Variants in KCNIP1 observed in about 807,000 individuals in gnomAD.
KCNIP1 encodes potassium voltage-gated channel interacting protein 1.
Under a neutral mutation model 33.0 loss-of-function variants are expected in KCNIP1, and 18 were observed. That is an observed-to-expected ratio of 0.55 (90% CI 0.38 to 0.81). The LOEUF (loss-of-function observed/expected upper bound fraction) is 0.81. Among genes scored for constraint, KCNIP1 ranks in the 30% least tolerant of loss-of-function variants. The pLI is 0.00. For missense variants in KCNIP1, 238 were observed against 271.6 expected (o/e 0.88, Z 0.87); for synonymous variants, 93 against 98.3 (o/e 0.95, Z 0.32).
chr5:170,610,976 C>T (rs549280842), intron 1 of KCNIP1, among the ~76,000 whole-genome samples: 4 of 152,304 alleles, frequency 2.6e-5, no homozygotes, highest in Admixed American at 6.5e-5. Context: ...GTTATTATTA[C>T]CCATTTTCTG....
At chr5:170,586,699 C>T (rs573804921) in intron 1 of KCNIP1, among the ~76,000 whole-genome samples, 2 of 152,284 alleles carry the variant, frequency 1.3e-5, no homozygotes, top group South Asian at 4.1e-4. Context: ...AGTGGGTGTT[C>T]GATTCACAGT....
chr5:170,482,522 A>C (rs903632809), intron 1 of KCNIP1, among the ~76,000 whole-genome samples: 1 of 152,192 alleles, frequency 6.6e-6, no homozygotes. Flanking sequence ...ACCACGGATC[A>C]AGTAACTGAA....
intron 1 of KCNIP1, among the ~76,000 whole-genome samples, chr5:170,577,768 C>T (rs1757653877): frequency 6.6e-6 from 1 of 152,042 alleles, no homozygotes; most frequent in South Asian, 2.1e-4. Flanking sequence ...TAGAAATGAG[C>T]ACATTTATAA....
At chr5:170,386,205 G>A (rs530527179) in intron 1 of KCNIP1, among the ~76,000 whole-genome samples, 12 of 152,252 alleles carry the variant, frequency 7.9e-5, no homozygotes, top group Middle Eastern at 3.4e-3. Context: ...GCTCCTAAAT[G>A]TAATCCCAAG....
intron 1 of KCNIP1, among the ~76,000 whole-genome samples, chr5:170,664,238 G>A (rs539741104): frequency 1.5e-4 from 23 of 152,206 alleles, no homozygotes; most frequent in African/African-American, 4.3e-4. Context: ...TGAACAGCTC[G>A]GTTTCTCTTC....
intron 1 of KCNIP1, among the ~76,000 whole-genome samples, chr5:170,405,263 C>A (rs10075388): frequency 1.3e-5 from 2 of 151,674 alleles, no homozygotes; most frequent in African/African-American, 4.9e-5. Context: ...GGTGCAATCT[C>A]GGCATACTGT....
intron 1 of KCNIP1, among the ~76,000 whole-genome samples, chr5:170,445,898 T>C (rs1470929235): frequency 6.6e-6 from 1 of 152,232 alleles, no homozygotes; most frequent in Non-Finnish European, 1.5e-5. Context: ...CTGCACACTC[T>C]GCTCCCTTCC....
intron 1 of KCNIP1, among the ~76,000 whole-genome samples, chr5:170,374,298 G>C (rs1006985514): frequency 6.6e-6 from 1 of 152,222 alleles, no homozygotes; most frequent in African/African-American, 2.4e-5. Flanking sequence ...TGATTAGTGA[G>C]GGGTAGGGAG....
chr5:170,383,684 G>A, intron 1 of KCNIP1: 2 of 1,614,126 alleles, frequency 1.2e-6, no homozygotes, highest in Non-Finnish European at 1.7e-6. Context: ...AGTACCTGCT[G>A]GTTCTGGTCC....
upstream of KCNIP1, chr5:170,503,956 C>CCCCCG (rs537343267): frequency 3.6e-3 from 2,709 of 743,318 alleles, 82 homozygotes; most frequent in African/African-American, 0.051. Flanking sequence ...GCAGCCCTCG[C>CCCCCG]CCCCGCCCCG....
At chr5:170,425,666 G>GC (rs1171170133) in intron 1 of KCNIP1, among the ~76,000 whole-genome samples, 2 of 152,162 alleles carry the variant, frequency 1.3e-5, no homozygotes, top group African/African-American at 2.4e-5. Flanking sequence ...TGAATTGGCT[G>GC]CAACTCCACC....
intron 1 of KCNIP1, among the ~76,000 whole-genome samples, chr5:170,399,050 C>A (rs894562998): frequency 6.6e-6 from 1 of 152,114 alleles, no homozygotes; most frequent in African/African-American, 2.4e-5. Flanking sequence ...AGCATGCCAT[C>A]CTTTGTGAGT....
intron 1 of KCNIP1, among the ~76,000 whole-genome samples, chr5:170,371,827 C>T (rs932105309): frequency 1.3e-5 from 2 of 152,164 alleles, no homozygotes; most frequent in Admixed American, 1.3e-4. Context: ...AGAGGTGTTG[C>T]TGCAGGTTGT....
chr5:170,507,867 G>T lies in KCNIP1; in HGVS notation c.61+3234G>T, dbSNP rs571329674. On this transcript the variant is annotated intron_variant, in intron 1 of 7. Transcript: ENST00000328939. Reference sequence around the variant, plus strand: ...GTCCTTCTCTCTGTTTGGGATCTTTGTGTGTCTTTAATTAAAAGTAGGAGA... The same window carrying T: ...GTCCTTCTCTCTGTTTGGGATCTTTTTGTGTCTTTAATTAAAAGTAGGAGA... 8.5e-4 allele frequency among the ~76,000 whole-genome samples: 130 copies of T among 152,216 alleles called. 3 individuals are homozygous for T. Among genetic ancestry groups the T allele is most frequent in the East Asian group, 9.7e-4 (5 of 5,174 alleles).
At chr5:170,465,652 A>AAGAG (rs140798118) in intron 1 of KCNIP1, among the ~76,000 whole-genome samples, 3 of 151,520 alleles carry the variant, frequency 2.0e-5, no homozygotes, top group Admixed American at 2.0e-4. Context: ...GAGAGACAGA[A>AAGAG]AGAGAGAGAG....
At chr5:170,582,362 G>T (rs1757826727) in intron 1 of KCNIP1, among the ~76,000 whole-genome samples, 1 of 152,190 alleles carries the variant, frequency 6.6e-6, no homozygotes, top group Admixed American at 6.5e-5. Context: ...TAAAATGAGA[G>T]ATAATGACTC....
chr5:170,370,114 G>T (rs1763804911), intron 1 of KCNIP1, among the ~76,000 whole-genome samples: 1 of 151,932 alleles, frequency 6.6e-6, no homozygotes, highest in Admixed American at 6.6e-5. Context: ...AGAGAGGGAG[G>T]TGAGGCAGTC....
Position 170,407,491 on chromosome 5 carries a change from C to T in KCNIP1, c.88+53527C>T, listed in dbSNP as rs543263733. 2.0e-5 allele frequency among the ~76,000 whole-genome samples: 3 copies of T among 152,042 alleles called. No individual in the cohort carries two copies. The South Asian group carries it at 6.2e-4, about 31-fold the overall frequency. On this transcript the variant is annotated intron_variant, in intron 1 of 7. Coordinates refer to the KCNIP1 transcript ENST00000377360. ...AGATAGGGAGGTTTGAAATTTTTAC[C>T]AACAATCCCAATCCTTGAACACAAA...
intron 1 of KCNIP1, among the ~76,000 whole-genome samples, chr5:170,556,672 TAA>T (rs1173850104): frequency 4.6e-5 from 7 of 152,220 alleles, no homozygotes; most frequent in African/African-American, 7.2e-5. Context: ...TCTGACAATC[TAA>T]AGTGTCTCTT....
Sources: gnomAD v4.1 joint callset for allele counts (sites outside exome capture counted in the v4.1 genomes callset) on GRCh38, gnomAD v4.1.1 for gene constraint, MANE v1.5 for transcripts, NCBI Gene and HGNC (gene_info 2026-07-23, HGNC 2026-07-21) for gene names.